The following HSPA4L variants were observed in gnomAD, a reference collection of about 807,000 sequenced individuals.
The protein encoded by HSPA4L is heat shock protein family A (Hsp70) member 4 like.
HSPA4L carries 48 observed loss-of-function variants against 100.3 expected under a neutral mutation model. The observed-to-expected ratio is 0.48, with a 90% confidence interval of 0.38 to 0.61. The LOEUF is 0.61. Among genes scored for constraint, HSPA4L ranks in the 20% least tolerant of loss-of-function variants. HSPA4L has a pLI of 0.00. For synonymous variants in HSPA4L, 319 were observed against 328.2 expected, an observed-to-expected ratio of 0.97 and a Z score of 0.30; for missense variants, 886 against 988.6, an observed-to-expected ratio of 0.90 and a Z score of 1.39.
At chr4:127,828,536 A>G (rs774691646) in intron 17 of HSPA4L, among the ~76,000 whole-genome samples, 2 of 152,144 alleles carry the variant, frequency 1.3e-5, no homozygotes, top group Non-Finnish European at 1.5e-5. Flanking sequence ...TCTGACATCA[A>G]TATACAAATT....
chr4:127,783,377 C>A, intron 1 of HSPA4L: 1 of 419,166 alleles, frequency 2.4e-6, no homozygotes, highest in Non-Finnish European at 3.2e-6. Context: ...GGGGTTGGGT[C>A]GGACCAAAAG....
At chr4:127,805,878 G>A (rs1489010430) in intron 10 of HSPA4L, 85 bp downstream of exon 10, 2 of 818,752 alleles carry the variant, frequency 2.4e-6, no homozygotes, top group Non-Finnish European at 1.9e-6. Context: ...AGAAATTTAC[G>A]CTTCTTAAAA....
At chr4:127,817,177 G>A (rs540043647) in intron 12 of HSPA4L, among the ~76,000 whole-genome samples, 3 of 151,970 alleles carry the variant, frequency 2.0e-5, no homozygotes, top group South Asian at 2.1e-4. Flanking sequence ...GCAGTTCTCC[G>A]GCCTCAGCCT....
chr4:127,812,154 A>G (rs1733548397), intron 12 of HSPA4L, among the ~76,000 whole-genome samples: 1 of 152,144 alleles, frequency 6.6e-6, no homozygotes, highest in South Asian at 2.1e-4. Flanking sequence ...TCACGCCTGT[A>G]ATCGCAGCAC....
chr4:127,823,467 T>C (rs776026705), intron 15 of HSPA4L, 50 bp from the exon 16 acceptor site: 1 of 1,347,632 alleles, frequency 7.4e-7, no homozygotes. Flanking sequence ...TGATGACTTT[T>C]ATTTCTAAGG....
At chr4:127,827,448 G>GCAT in intron 17 of HSPA4L, 24 bp downstream of exon 17, 1 of 1,612,974 alleles carries the variant, frequency 6.2e-7, no homozygotes, top group African/African-American at 1.3e-5. Context: ...AAAGCCAATT[G>GCAT]GTGACGATGG....
intron 12 of HSPA4L, among the ~76,000 whole-genome samples, chr4:127,815,519 A>G (rs565833426): frequency 1.9e-4 from 29 of 151,956 alleles, no homozygotes; most frequent in Non-Finnish European, 3.5e-4. Flanking sequence ...ATCACATCTT[A>G]AACTATATCA....
Position 127,827,446 on chromosome 4 carries a change from T to C in HSPA4L, c.2166+22T>C, listed in dbSNP as rs558815885. ...CAAGGTATTGAATTCATAAAGCCAA[T>C]TGGTGACGATGGCATGTGCATGGTA... is the stretch of plus-strand genomic sequence containing the variant. On this transcript the variant is annotated intron_variant, in intron 17 of 18. Coordinates refer to ENST00000296464, the MANE Select transcript of HSPA4L (RefSeq NM_014278.4). The C allele has an allele frequency of 5.0e-6, 8 of 1,613,176 alleles. No homozygotes were observed. In the African/African-American group the frequency reaches 5.3e-5, roughly 11 times the overall value.
chr4:127,832,414 T>C (rs117441979), intron 18 of HSPA4L, among the ~76,000 whole-genome samples: 1 of 152,290 alleles, frequency 6.6e-6, no homozygotes, highest in East Asian at 1.9e-4. Flanking sequence ...AAGTAAACTG[T>C]ATTTGATTAT....
intron 7 of HSPA4L, 46 bp downstream of exon 7, chr4:127,803,919 A>G (rs2148785924): frequency 1.2e-6 from 2 of 1,607,036 alleles, no homozygotes; most frequent in Middle Eastern, 3.3e-4. Context: ...TTATTTTATA[A>G]TGTTTAGATC....
rs985748023 is a variant in HSPA4L, at chr4:127,782,726, C to G, written c.107+69C>G. On this transcript the variant is annotated intron_variant, in intron 1 of 18. Transcript: ENST00000296464. ...TTTCTCTCCCGTCCTTAACGTTTGT[C>G]CTGTCTGCTCGCTTCCTCGGATTTT... The G allele has an allele frequency of 5.3e-6, 6 of 1,134,940 alleles. No individual in the cohort carries two copies. The African/African-American group carries it at 7.9e-5, about 15-fold the overall frequency. The allele number at this position is 1,134,940 out of a possible 1,614,324, so 70.3% of individuals were successfully genotyped here.
In HSPA4L at chr4:127,835,230, ATG is replaced by A. The variant is rs1399508712; in HGVS notation, c.*2357_*2358del. The A allele has an allele frequency of 6.6e-6, 1 of 152,200 alleles. No individual in the cohort carries two copies. Among genetic ancestry groups the A allele is most frequent in the African/African-American group, 2.4e-5 (1 of 41,446 alleles). 9.4% of individuals were successfully genotyped at this position (152,200 alleles called of 1,614,324 possible). A position where few individuals can be genotyped will look rare whatever the true frequency, so the allele number is the denominator to read the frequency against. ...GTTTTCCTATGGTAAGCAAATAAGA[ATG>A]AAGTTTGTAGGGAATATTTGGAATG... On this transcript the variant is annotated 3_prime_UTR_variant, in exon 19 of 19. Coordinates refer to ENST00000296464, the MANE Select transcript of HSPA4L (RefSeq NM_014278.4).
intron 1 of HSPA4L, 109 bp downstream of exon 1, chr4:127,782,766 C>T: frequency 1.2e-6 from 1 of 807,796 alleles, no homozygotes; most frequent in Non-Finnish European, 1.9e-6. Flanking sequence ...TAACGTGCGC[C>T]GAACCCCGAG....
At chr4:127,810,441 A>T (rs1402461561) in intron 11 of HSPA4L, among the ~76,000 whole-genome samples, 1 of 152,192 alleles carries the variant, frequency 6.6e-6, no homozygotes, top group Non-Finnish European at 1.5e-5. Context: ...TGGAGGTTAG[A>T]AGTCTGAAGT....
chr4:127,811,407 C>T (rs376062136), intron 11 of HSPA4L, 30 bp from the exon 12 acceptor site: 30 of 1,533,652 alleles, frequency 2.0e-5, no homozygotes, highest in Non-Finnish European at 2.7e-6. Flanking sequence ...CTGAGGCTCA[C>T]ATACTGATTG....
chr4:127,797,866 C>G (rs1733068558), intron 3 of HSPA4L, among the ~76,000 whole-genome samples: 1 of 151,970 alleles, frequency 6.6e-6, no homozygotes, highest in South Asian at 2.1e-4. Flanking sequence ...CTCCCAAGGT[C>G]CTGGGATTAC....
intron 11 of HSPA4L, among the ~76,000 whole-genome samples, chr4:127,809,740 G>A (rs1733473859): frequency 6.6e-6 from 1 of 152,144 alleles, no homozygotes; most frequent in African/African-American, 2.4e-5. Context: ...CTCTGAACTG[G>A]ATGGTCACAA....
At chr4:127,806,857 A>C (rs1364369634) in intron 10 of HSPA4L, among the ~76,000 whole-genome samples, 1 of 152,008 alleles carries the variant, frequency 6.6e-6, no homozygotes, top group Non-Finnish European at 1.5e-5. Context: ...CATTTCAAAA[A>C]TATGGATTTT....
At chr4:127,802,644 T>G (rs542384707) in intron 6 of HSPA4L, among the ~76,000 whole-genome samples, 2 of 152,338 alleles carry the variant, frequency 1.3e-5, no homozygotes, top group African/African-American at 4.8e-5. Flanking sequence ...TAGGTAACTT[T>G]GTAGTGAAAT....
Sources: allele counts gnomAD v4.1 joint callset (sites outside exome capture counted in the v4.1 genomes callset), GRCh38; gene constraint gnomAD v4.1.1; transcripts MANE v1.5; gene names NCBI Gene and HGNC (gene_info 2026-07-23, HGNC 2026-07-21).